Variants in KMT2C observed in about 807,000 individuals in gnomAD.
The protein encoded by KMT2C is lysine methyltransferase 2C, also known as histone-lysine N-methyltransferase 2C.
A neutral mutation model predicts 507.9 loss-of-function variants in KMT2C; 88 were observed. The ratio of observed to expected loss-of-function variants is 0.17; its 90% CI spans 0.15 to 0.21. The LOEUF (loss-of-function observed/expected upper bound fraction) is 0.21, where lower values mean the gene tolerates loss of function less well. Among genes scored for constraint, KMT2C ranks in the 10% least tolerant of loss-of-function variants. KMT2C has a pLI of 1.00. For missense variants in KMT2C, 4,954 were observed against 5,957.8 expected, an observed-to-expected ratio of 0.83 and a Z score of 5.55; for synonymous variants, 2,049 against 2,080.8, an observed-to-expected ratio of 0.98 and a Z score of 0.42.
At chr7:152,302,273 G>A (rs1030240664) in intron 6 of KMT2C, among the ~76,000 whole-genome samples, 12 of 152,108 alleles carry the variant, frequency 7.9e-5, no homozygotes, top group Non-Finnish European at 1.6e-4. Flanking sequence ...TTTTAGGCAG[G>A]AGTGCAATAG....
intron 5 of KMT2C, among the ~76,000 whole-genome samples, chr7:152,310,836 C>T (rs568271883): frequency 5.8e-4 from 88 of 151,986 alleles, no homozygotes; most frequent in Non-Finnish European, 9.4e-4. Context: ...AGGCACATGC[C>T]ACCACACTCC....
chr7:152,262,968 T>C lies in KMT2C; in HGVS notation c.1299+48A>G, dbSNP rs148883872. 5 of 1,417,874 alleles carry C rather than the reference T, an allele frequency of 3.5e-6. No homozygotes were observed. The African/African-American group carries it at 4.3e-5, about 12-fold the overall frequency. 87.8% of individuals were successfully genotyped at this position (1,417,874 alleles called of 1,614,324 possible). A position where few individuals can be genotyped will look rare whatever the true frequency, so the allele number is the denominator to read the frequency against. ...AGGTATCCGATTTGTCTGGTCTCCA[T>C]ATAAAACATAGAGAGGATTTAAAAA... On this transcript the variant is annotated intron_variant, in intron 9 of 58. Transcript: ENST00000262189.
chr7:152,281,940 TG>T (rs1202141559), intron 6 of KMT2C, among the ~76,000 whole-genome samples: 8 of 152,252 alleles, frequency 5.3e-5, no homozygotes, highest in African/African-American at 1.9e-4. Flanking sequence ...TCATCGACTA[TG>T]GAAATGTACT....
At position 152,162,644 on chromosome 7, in the gene KMT2C, C is replaced by A. The variant is rs1313038744; in HGVS notation, c.10933G>T (p.Ala3645Ser). The change falls in exon 43 of 59, where the codon GCA becomes TCA. Residue 3645 changes from alanine to serine, a missense_variant. Transcript: ENST00000262189. Reference sequence around the variant, plus strand: ...GGAAGCTCACTGGGTGTGCTCACTGCAGGAGTAGAGGTAGTTTCTGAGATG... The same window carrying A: ...GGAAGCTCACTGGGTGTGCTCACTGAAGGAGTAGAGGTAGTTTCTGAGATG... ...PGISETTSTP[A>S]VSTPSELPQQ... 6.2e-6 allele frequency: 10 copies of A among 1,614,188 alleles called. No homozygotes were observed. Among genetic ancestry groups the A allele is most frequent in the Non-Finnish European group, 8.5e-6 (10 of 1,180,030 alleles).
At chr7:152,152,977 T>C (rs764516531) in intron 48 of KMT2C, 23 bp from the exon 49 acceptor site, 5 of 1,610,858 alleles carry the variant, frequency 3.1e-6, no homozygotes, top group Non-Finnish European at 4.2e-6. Context: ...GCAAATGCTG[T>C]ATTATTCACC....
At chr7:152,397,349 T>C (rs1012726734) in intron 1 of KMT2C, among the ~76,000 whole-genome samples, 5 of 152,178 alleles carry the variant, frequency 3.3e-5, no homozygotes, top group South Asian at 2.1e-4. Context: ...TCTGATTGCC[T>C]TTCTCCTCTG....
Position 152,162,712 on chromosome 7 carries a change from G to A in KMT2C, c.10865C>T (p.Pro3622Leu). 1 of 1,614,194 alleles carries A rather than the reference G, an allele frequency of 6.2e-7. No individual in the cohort carries two copies. Among genetic ancestry groups the A allele is most frequent in the South Asian group, 1.1e-5 (1 of 91,078 alleles). The change falls in exon 43 of 59, where the codon CCA becomes CTA. Residue 3622 changes from proline (P) to leucine (L), a missense_variant. Coordinates refer to ENST00000262189, the MANE Select transcript of KMT2C (RefSeq NM_170606.3). ...AGTTATATCTGAATGGGGAGTTGATGGAGCCTTGGTGGATTCTGCATCATC... is the reference window on the plus strand; with the variant it reads ...AGTTATATCTGAATGGGGAGTTGATAGAGCCTTGGTGGATTCTGCATCATC... Reference protein sequence around the residue: ...RDDDAESTKAPSTPHSDITAP... With the variant: ...RDDDAESTKALSTPHSDITAP...
chr7:152,311,666 A>G, intron 5 of KMT2C, 132 bp downstream of exon 5: 1 of 663,326 alleles, frequency 1.5e-6, no homozygotes. Context: ...CATATTTAAT[A>G]ATGATTTTTT....
chr7:152,247,060 C>T (rs1191939944), intron 14 of KMT2C, among the ~76,000 whole-genome samples: 1 of 152,088 alleles, frequency 6.6e-6, no homozygotes, highest in Non-Finnish European at 1.5e-5. Context: ...AAACTTAAAA[C>T]TTAACTTGAA....
chr7:152,169,978 T>C (rs1255373712), intron 40 of KMT2C, among the ~76,000 whole-genome samples: 2 of 152,260 alleles, frequency 1.3e-5, no homozygotes, highest in African/African-American at 4.8e-5. Context: ...CAAATTAATG[T>C]TGAAAAATGT....
Position 152,315,272 on chromosome 7 carries a change from T to C in KMT2C, c.456A>G (p.Gln152=), listed in dbSNP as rs2129202646. 6.2e-7 allele frequency: 1 copy of C among 1,614,048 alleles called. No homozygotes were observed. The highest frequency in any genetic ancestry group is 1.1e-5 in the South Asian group (1 of 91,084). Residue 152 remains glutamine (Q), a synonymous_variant, in exon 4 of 59, where the codon CAA becomes CAG. Transcript: ENST00000262189. ...KSSLGQGDLK[Q]FRITPGFILP... is the part of the protein sequence containing the mutation. Reference sequence around the variant, plus strand: ...AGATAAATCCAGGCGTTATTCTGAATTGTTTTAAGTCTCCTTGTCCTAAGG... The same window carrying C: ...AGATAAATCCAGGCGTTATTCTGAACTGTTTTAAGTCTCCTTGTCCTAAGG...
At chr7:152,201,177 G>C (rs1279393563) in intron 26 of KMT2C, among the ~76,000 whole-genome samples, 1 of 151,928 alleles carries the variant, frequency 6.6e-6, no homozygotes, top group Non-Finnish European at 1.5e-5. Flanking sequence ...TATTAATTTA[G>C]TGTGTTTTAC....
intron 1 of KMT2C, among the ~76,000 whole-genome samples, chr7:152,390,764 A>C (rs918011206): frequency 7.2e-5 from 11 of 152,178 alleles, no homozygotes; most frequent in African/African-American, 2.7e-4. Context: ...TGTTTAACAA[A>C]TATTAGACAC....
intron 1 of KMT2C, among the ~76,000 whole-genome samples, chr7:152,384,305 C>T (rs2097401020): frequency 6.6e-6 from 1 of 152,174 alleles, no homozygotes; most frequent in Non-Finnish European, 1.5e-5. Flanking sequence ...ACCTCTAAAG[C>T]CTCATCTCTT....
chr7:152,232,649 T>G (rs372780201), intron 16 of KMT2C, among the ~76,000 whole-genome samples: 9 of 152,304 alleles, frequency 5.9e-5, no homozygotes, highest in African/African-American at 2.2e-4. Context: ...CTACCTATAA[T>G]GCTTTAATTT....
At chr7:152,307,370 G>C (rs935949688) in intron 6 of KMT2C, among the ~76,000 whole-genome samples, 1 of 147,584 alleles carries the variant, frequency 6.8e-6, no homozygotes, top group Non-Finnish European at 1.5e-5. Flanking sequence ...GAGAGGGAGA[G>C]AGGGAGGGAA....
chr7:152,226,497 G>C (rs1187025318), intron 18 of KMT2C, among the ~76,000 whole-genome samples: 2 of 152,042 alleles, frequency 1.3e-5, no homozygotes, highest in Non-Finnish European at 2.9e-5. Flanking sequence ...CTCCCAAAGT[G>C]CTGGGATGAC....
In KMT2C at chr7:152,164,599, T is replaced by C. The variant is rs1464882377; in HGVS notation, c.9751-773A>G. On this transcript the variant is annotated intron_variant, in intron 42 of 58. Transcript: ENST00000262189. ...CCACTGCGCCCGGCCTGTACAACAT[T>C]TTAAGACAAGATGAATTACCAGCAC... Among the ~76,000 whole-genome samples the C allele has an allele frequency of 6.6e-5, 10 of 152,232 alleles. No homozygotes were observed. In the East Asian group the frequency reaches 1.9e-3, roughly 29 times the overall value.
intron 3 of KMT2C, among the ~76,000 whole-genome samples, chr7:152,330,061 T>C (rs2096866495): frequency 7.0e-6 from 1 of 143,318 alleles, no homozygotes; most frequent in Non-Finnish European, 1.5e-5. Context: ...GAAGACTCTC[T>C]TGAACCAGGG....
Sources: gnomAD v4.1 joint callset for allele counts (sites outside exome capture counted in the v4.1 genomes callset) on GRCh38, gnomAD v4.1.1 for gene constraint, MANE v1.5 for transcripts, NCBI Gene and HGNC (gene_info 2026-07-23, HGNC 2026-07-21) for gene names.